Variants in MIOS observed in about 807,000 individuals in gnomAD.
The protein encoded by MIOS is GATOR2 complex protein MIOS.
Under a neutral mutation model 96.9 loss-of-function variants are expected in MIOS, and 52 were observed. That is an observed-to-expected ratio of 0.54 (90% CI 0.43 to 0.68). The LOEUF (loss-of-function observed/expected upper bound fraction) is 0.68, where lower values mean the gene tolerates loss of function less well. Among genes scored for constraint, MIOS ranks in the 30% least tolerant of loss-of-function variants. MIOS has a pLI of 0.00. For synonymous variants in MIOS, 397 were observed against 359.5 expected (o/e 1.10, Z -1.18); for missense variants, 1,005 against 1,052.8 (o/e 0.95, Z 0.63).
intron 12 of MIOS, among the ~76,000 whole-genome samples, chr7:7,606,458 C>T (rs998491603): frequency 5.9e-5 from 9 of 152,212 alleles, no homozygotes; most frequent in African/African-American, 1.9e-4. Flanking sequence ...TCTAAGTAAG[C>T]TTTTTATGTA....
chr7:7,568,784 T>C (rs968821046), intron 3 of MIOS, among the ~76,000 whole-genome samples: 2 of 152,270 alleles, frequency 1.3e-5, no homozygotes, highest in Admixed American at 1.3e-4. Context: ...TTCACTTTAC[T>C]CCTTTGTGAA....
In MIOS at chr7:7,593,149, C is replaced by A. The variant is rs199600235; in HGVS notation, c.2044-1831C>A. On this transcript the variant is annotated intron_variant, in intron 9 of 12. Coordinates refer to ENST00000340080, the MANE Select transcript of MIOS (RefSeq NM_019005.4). ...GGGAAAGAATGAGATGTGAAAACAT[C>A]TTATTTTTCTGTGAATTTTCTTTTT... Among the ~76,000 whole-genome samples the A allele has an allele frequency of 7.2e-5, 11 of 152,248 alleles. No individual in the cohort carries two copies. The East Asian group carries it at 2.1e-3, about 29-fold the overall frequency.
intron 5 of MIOS, chr7:7,581,738 C>A (rs1476911326): frequency 6.6e-6 from 1 of 152,202 alleles, no homozygotes; most frequent in Non-Finnish European, 1.5e-5. Flanking sequence ...CACAGACCCT[C>A]TCAGAGCACA....
chr7:7,579,655 A>G (rs188543789), intron 5 of MIOS, among the ~76,000 whole-genome samples: 118 of 152,342 alleles, frequency 7.7e-4, no homozygotes, highest in African/African-American at 2.6e-3. Flanking sequence ...CTAAAAAATA[A>G]AAAAGTTCTT....
rs1382859798 is a variant in MIOS at position 7,607,106 on chromosome 7, T to C, written c.*14T>C. The C allele has an allele frequency of 6.3e-7, 1 of 1,593,022 alleles. No individual in the cohort carries two copies. Among genetic ancestry groups the C allele is most frequent in the Non-Finnish European group, 8.6e-7 (1 of 1,167,156 alleles). ...GTCCAGCCATAAAATGTTACCACCTTAAGAGAACCCTTCAAGTGTGGAGCT... is the reference window on the plus strand; with the variant it reads ...GTCCAGCCATAAAATGTTACCACCTCAAGAGAACCCTTCAAGTGTGGAGCT... On this transcript the variant is annotated 3_prime_UTR_variant, in exon 13 of 13. Coordinates refer to ENST00000340080, the MANE Select transcript of MIOS (RefSeq NM_019005.4).
Position 7,574,128 on chromosome 7 carries a change from A to T in MIOS, c.1325A>T (p.Gln442Leu). The T allele has an allele frequency of 6.2e-7, 1 of 1,611,188 alleles. No individual in the cohort carries two copies. The highest frequency in any genetic ancestry group is 1.3e-5 in the African/African-American group (1 of 74,966). ...FMKQYTEDMD[Q>L]KSPGNKGSLV... ...AAGCAATACACAGAAGATATGGATC[A>T]GAAATCTCCAGGCAACAAAGGATCA... The change falls in exon 5 of 13, where the codon CAG (glutamine) becomes CTG (leucine). Residue 442 changes from glutamine (Q) to leucine (L), a missense_variant. Transcript: ENST00000340080.
chr7:7,600,054 C>T (rs1335504405), intron 11 of MIOS, among the ~76,000 whole-genome samples: 2 of 152,042 alleles, frequency 1.3e-5, no homozygotes, highest in Non-Finnish European at 2.9e-5. Flanking sequence ...GAAAAACTAC[C>T]TGTCGGGTAC....
intron 6 of MIOS, among the ~76,000 whole-genome samples, chr7:7,585,405 CA>C (rs1471843102): frequency 1.0e-4 from 9 of 89,606 alleles, no homozygotes; most frequent in South Asian, 9.1e-4. Context: ...AATCAAAACC[CA>C]AACCCCCCCC....
chr7:7,599,497 C>G (rs906909038), intron 11 of MIOS, among the ~76,000 whole-genome samples: 2 of 152,176 alleles, frequency 1.3e-5, no homozygotes, highest in African/African-American at 4.8e-5. Context: ...GAGGAAGTTA[C>G]CATTTAAGCC....
At chr7:7,589,664 T>TA (rs1004531955) in intron 9 of MIOS, 101 bp downstream of exon 9, 262 of 1,307,962 alleles carry the variant, frequency 2.0e-4, no homozygotes, top group Middle Eastern at 5.8e-4. Flanking sequence ...TTAGGATCTT[T>TA]AGAAGGCATT....
At chr7:7,585,574 A>G in intron 6 of MIOS, 62 bp from the exon 7 acceptor site, 2 of 1,391,456 alleles carry the variant, frequency 1.4e-6, no homozygotes, top group Non-Finnish European at 1.9e-6. Context: ...ATGGTTTAAG[A>G]AATGTAGAAG....
chr7:7,583,246 G>C lies in MIOS; in HGVS notation c.1522G>C (p.Val508Leu), dbSNP rs373189182. ...GATAAAGAAAGGAACGGATGTAGAC[G>C]TGGGGCCATTTTTGAACTCCCTTGT... ...GWIKKGTDVDVGPFLNSLVQE... is the reference protein window; with the variant it reads ...GWIKKGTDVDLGPFLNSLVQE... The change falls in exon 6 of 13, where the codon GTG becomes CTG. Residue 508 changes from valine to leucine, a missense_variant. Around this residue, in one of 3 missense-constraint regions of MIOS, gnomAD observed 865 missense variants for 887.9 expected, o/e 0.97. Transcript: ENST00000340080. The C allele has an allele frequency of 6.2e-7, 1 of 1,613,978 alleles. No homozygotes were observed. The highest frequency in any genetic ancestry group is 1.3e-5 in the African/African-American group (1 of 74,898).
chr7:7,600,976 A>G (rs1380663999), intron 11 of MIOS, among the ~76,000 whole-genome samples: 3 of 152,230 alleles, frequency 2.0e-5, no homozygotes, highest in Admixed American at 1.3e-4. Context: ...TACTGGGTAC[A>G]TAACGAAATG....
chr7:7,586,068 A>G (rs1254925731), intron 7 of MIOS, among the ~76,000 whole-genome samples: 1 of 152,068 alleles, frequency 6.6e-6, no homozygotes, highest in African/African-American at 2.4e-5. Flanking sequence ...TAAAGATTTT[A>G]TCCTTTAGCT....
intron 11 of MIOS, 188 bp from the exon 12 acceptor site, chr7:7,605,754 A>G (rs1784511641): frequency 6.4e-6 from 3 of 471,194 alleles, no homozygotes; most frequent in Non-Finnish European, 1.1e-5. Context: ...TATATTGGCT[A>G]TTAAAAATGT....
At chr7:7,594,768 A>G (rs1261753454) in intron 9 of MIOS, among the ~76,000 whole-genome samples, 1 of 152,018 alleles carries the variant, frequency 6.6e-6, no homozygotes, top group African/African-American at 2.4e-5. Flanking sequence ...TGATATATAA[A>G]GTACATATTT....
At chr7:7,595,405 C>T (rs1382084168) in intron 10 of MIOS, among the ~76,000 whole-genome samples, 1 of 152,148 alleles carries the variant, frequency 6.6e-6, no homozygotes, top group African/African-American at 2.4e-5. Context: ...TAAACTATTA[C>T]ATTATCTTAT....
At chr7:7,601,783 A>G (rs542444396) in intron 11 of MIOS, among the ~76,000 whole-genome samples, 7 of 152,366 alleles carry the variant, frequency 4.6e-5, no homozygotes, top group Non-Finnish European at 8.8e-5. Context: ...AGAGAATTTT[A>G]GGCCAATATC....
At chr7:7,591,963 C>T (rs916564449) in intron 9 of MIOS, among the ~76,000 whole-genome samples, 6 of 145,808 alleles carry the variant, frequency 4.1e-5, no homozygotes, top group African/African-American at 1.5e-4. Flanking sequence ...TTTTTTTTCC[C>T]ACTATTCTTC....
Sources: gnomAD v4.1 joint callset for allele counts (sites outside exome capture counted in the v4.1 genomes callset) on GRCh38, gnomAD v4.1.1 for gene constraint, gnomAD v4.1.1 regional missense constraint, MANE v1.5 for transcripts, NCBI Gene and HGNC (gene_info 2026-07-23, HGNC 2026-07-21) for gene names.